CPXM2: variants seen among roughly 807,000 people sequenced by gnomAD.
CPXM2 encodes carboxypeptidase X, M14 family member 2.
A neutral mutation model predicts 86.1 loss-of-function variants in CPXM2; 66 were observed. The observed-to-expected ratio is 0.77, with a 90% CI of 0.63 to 0.94. CPXM2 has a LOEUF of 0.94. CPXM2 is among the 40% of genes least tolerant of loss of function. CPXM2 has a pLI of 0.00. For missense variants in CPXM2, 948 were observed against 1,026.3 expected (o/e 0.92, Z 1.04); for synonymous variants, 388 against 400.2 (o/e 0.97, Z 0.36).
intron 2 of CPXM2, among the ~76,000 whole-genome samples, chr10:123,873,387 A>C (rs1200431629): frequency 6.6e-6 from 1 of 152,258 alleles, no homozygotes; most frequent in African/African-American, 2.4e-5. Flanking sequence ...GTGGAGAGAT[A>C]TACCATGTTC....
chr10:123,805,558 A>T (rs1024829661), intron 4 of CPXM2, among the ~76,000 whole-genome samples: 14 of 152,196 alleles, frequency 9.2e-5, no homozygotes, highest in African/African-American at 3.4e-4. Flanking sequence ...TGGACAGAGA[A>T]CATACTTTAA....
At chr10:123,877,573 C>A (rs1160184082) in intron 2 of CPXM2, among the ~76,000 whole-genome samples, 1 of 152,192 alleles carries the variant, frequency 6.6e-6, no homozygotes, top group Non-Finnish European at 1.5e-5. Context: ...ACAACCAAAG[C>A]TTGGGCTCAG....
intron 3 of CPXM2, among the ~76,000 whole-genome samples, chr10:123,854,397 A>ATATATATATT (rs1848672066): frequency 2.5e-5 from 3 of 118,460 alleles, no homozygotes; most frequent in African/African-American, 1.0e-4. Context: ...TATATATATT[A>ATATATATATT]TATATATATT....
intron 4 of CPXM2, among the ~76,000 whole-genome samples, chr10:123,815,131 T>C (rs1458255548): frequency 1.3e-5 from 2 of 152,356 alleles, no homozygotes; most frequent in East Asian, 1.9e-4. Context: ...TTTGACCATA[T>C]GTGGAGAACC....
At chr10:123,816,764 A>G (rs1244549632) in intron 4 of CPXM2, among the ~76,000 whole-genome samples, 4 of 152,220 alleles carry the variant, frequency 2.6e-5, no homozygotes, top group African/African-American at 9.6e-5. Flanking sequence ...TTACTGTCCT[A>G]CATCAGGGGT....
intron 11 of CPXM2, 62 bp from the exon 12 acceptor site, chr10:123,757,414 G>A (rs1047679959): frequency 2.0e-5 from 27 of 1,364,770 alleles, no homozygotes; most frequent in East Asian, 6.9e-5. Context: ...TGGGGAATGC[G>A]GCACAGCGGG....
intron 2 of CPXM2, among the ~76,000 whole-genome samples, chr10:123,926,716 A>G (rs1945624431): frequency 6.6e-6 from 1 of 152,186 alleles, no homozygotes. Context: ...GTATGTCCAG[A>G]GTGCAGCAGC....
chr10:123,812,662 G>A (rs113270038), intron 4 of CPXM2, among the ~76,000 whole-genome samples: 38 of 152,162 alleles, frequency 2.5e-4, no homozygotes, highest in Non-Finnish European at 4.6e-4. Flanking sequence ...AACTGAGCTC[G>A]ACCTACTGTC....
intron 4 of CPXM2, among the ~76,000 whole-genome samples, chr10:123,830,551 A>G (rs1262720880): frequency 6.6e-6 from 1 of 152,126 alleles, no homozygotes; most frequent in Non-Finnish European, 1.5e-5. Flanking sequence ...CTTTCTACTC[A>G]GAGCAAAGAG....
chr10:123,749,386 T>C (rs1156440503), intron 13 of CPXM2, among the ~76,000 whole-genome samples: 1 of 152,148 alleles, frequency 6.6e-6, no homozygotes, highest in African/African-American at 2.4e-5. Context: ...CAAGTTCATA[T>C]TTCTAATAAG....
chr10:123,941,157 C>T (rs1192056319), upstream of CPXM2, among the ~76,000 whole-genome samples: 4 of 151,978 alleles, frequency 2.6e-5, no homozygotes, highest in Admixed American at 2.0e-4. Flanking sequence ...GGTGACAGAG[C>T]GAGACTTCAT....
At chr10:123,787,782 G>C (rs960016001) in intron 6 of CPXM2, among the ~76,000 whole-genome samples, 2 of 152,044 alleles carry the variant, frequency 1.3e-5, no homozygotes, top group Non-Finnish European at 2.9e-5. Flanking sequence ...AGAAGCCCGG[G>C]CTCAGGATGC....
At chr10:123,852,098 A>G (rs753853594) in intron 3 of CPXM2, among the ~76,000 whole-genome samples, 2 of 152,140 alleles carry the variant, frequency 1.3e-5, no homozygotes, top group Non-Finnish European at 2.9e-5. Context: ...TCAGATTTCA[A>G]GCCTCCAGAA....
At chr10:123,899,059 C>A (rs554821243) in intron 2 of CPXM2, among the ~76,000 whole-genome samples, 2 of 152,106 alleles carry the variant, frequency 1.3e-5, no homozygotes, top group Admixed American at 6.6e-5. Flanking sequence ...CTGAAAGTTT[C>A]CTTTTACAGA....
rs902433904 is a variant in CPXM2 at position 123,885,184 on chromosome 10, A to G, written c.305-4875T>C. ...AGGCTGTGTTGTCTGGCAGGACTCAACGGGGACTCAACCTGGCTGGGGACT... is the reference window on the plus strand; with the variant it reads ...AGGCTGTGTTGTCTGGCAGGACTCAGCGGGGACTCAACCTGGCTGGGGACT... On this transcript the variant is annotated intron_variant, in intron 1 of 13. Transcript: ENST00000241305. The surrounding 1 kb of genome is among the most constrained non-coding windows in gnomAD (Gnocchi z 4.0). Among the ~76,000 whole-genome samples, 1 of 150,720 alleles carries G rather than the reference A, an allele frequency of 6.6e-6. No homozygotes were observed.
At chr10:123,768,381 AAATAAAT>A (rs1846539520) in intron 9 of CPXM2, 138 bp downstream of exon 9, 4 of 46,986 alleles carry the variant, frequency 8.5e-5, no homozygotes, top group African/African-American at 6.9e-4. Context: ...CTCAAAAAAT[AAATAAAT>A]AAATAAATAA....
chr10:123,886,102 C>T (rs938744398), intron 1 of CPXM2, among the ~76,000 whole-genome samples: 1 of 152,176 alleles, frequency 6.6e-6, no homozygotes, highest in African/African-American at 2.4e-5. Flanking sequence ...CAGGAAATGA[C>T]GTCCTCTCCC....
At chr10:123,787,382 A>G (rs1049506629) in intron 6 of CPXM2, among the ~76,000 whole-genome samples, 2 of 151,862 alleles carry the variant, frequency 1.3e-5, no homozygotes, top group East Asian at 1.9e-4. Flanking sequence ...TGCTCACTAC[A>G]TGAGACTTTT....
chr10:123,874,162 C>G (rs1032777210), intron 2 of CPXM2, among the ~76,000 whole-genome samples: 4 of 152,076 alleles, frequency 2.6e-5, no homozygotes, highest in Non-Finnish European at 5.9e-5. Flanking sequence ...CATGCCCAGC[C>G]TATTTCTCAC....
Sources: allele counts gnomAD v4.1 joint callset (sites outside exome capture counted in the v4.1 genomes callset), GRCh38; gene constraint gnomAD v4.1.1; non-coding constraint Gnocchi (gnomAD v3.1); transcripts MANE v1.5; gene names NCBI Gene and HGNC (gene_info 2026-07-23, HGNC 2026-07-21).